Variants in IL23R observed in about 807,000 individuals in gnomAD.
IL23R encodes interleukin-23 receptor.
IL23R carries 34 observed loss-of-function variants against 56.9 expected under a neutral mutation model. The observed-to-expected ratio is 0.60, with a 90% CI of 0.45 to 0.80. The LOEUF is 0.80. Among genes scored for constraint, IL23R ranks in the 30% least tolerant of loss-of-function variants. The probability of loss-of-function intolerance (pLI) is 0.00; values close to 1 mark genes in which losing one functional copy is unlikely to be tolerated. For synonymous variants in IL23R, 230 were observed against 249.2 expected (o/e 0.92, Z 0.73); for missense variants, 635 against 730.0 (o/e 0.87, Z 1.50).
rs576532413 is a variant in IL23R at position 67,169,482 on chromosome 1, A to G, written c.211A>G (p.Ile71Val). 4 of 1,614,128 alleles carry G rather than the reference A, an allele frequency of 2.5e-6. No individual in the cohort carries two copies. Among genetic ancestry groups the G allele is most frequent in the Admixed American group, 3.3e-5 (2 of 60,022 alleles). Residue 71 changes from isoleucine to valine, a missense_variant, in exon 3 of 11, where the codon ATC becomes GTC. Physicochemically the swap from Ile to Val is conservative, Grantham distance 29. Transcript: ENST00000347310. ...GAAACTTCATTTTTATAAAAATGGC[A>G]TCAAAGAAAGATTTCAAATCACAAG... ...PRKLHFYKNGIKERFQITRIN... is the reference protein window; with the variant it reads ...PRKLHFYKNGVKERFQITRIN...
At chr1:67,236,184 A>G (rs1205316788) in intron 7 of IL23R, among the ~76,000 whole-genome samples, 3 of 152,336 alleles carry the variant, frequency 2.0e-5, no homozygotes, top group African/African-American at 7.2e-5. Flanking sequence ...GAGAGAAGTC[A>G]TTGGTGACAT....
chr1:67,232,029 A>C (rs1651127788), intron 7 of IL23R, among the ~76,000 whole-genome samples: 1 of 152,214 alleles, frequency 6.6e-6, no homozygotes, highest in Non-Finnish European at 1.5e-5. Flanking sequence ...CAAAAGAAAA[A>C]AATTGAATAA....
intron 4 of IL23R, among the ~76,000 whole-genome samples, chr1:67,188,574 A>C (rs1375726180): frequency 6.6e-6 from 1 of 152,248 alleles, no homozygotes; most frequent in African/African-American, 2.4e-5. Flanking sequence ...AAATGCTTAG[A>C]ATTAAGTACA....
At chr1:67,170,203 A>C (rs1333577283) in intron 3 of IL23R, among the ~76,000 whole-genome samples, 2 of 152,154 alleles carry the variant, frequency 1.3e-5, no homozygotes. Context: ...CTCGCCTGTA[A>C]AAGGAGGCTA....
intron 3 of IL23R, among the ~76,000 whole-genome samples, chr1:67,178,136 T>C (rs1647036666): frequency 6.6e-6 from 1 of 152,162 alleles, no homozygotes. Context: ...TTAAACTAGT[T>C]TTTTCCAATT....
At chr1:67,164,861 A>G (rs1187192778), upstream of IL23R, among the ~76,000 whole-genome samples, 1 of 152,022 alleles carries the variant, frequency 6.6e-6, no homozygotes, top group Admixed American at 6.6e-5. Context: ...TAAATGGCCA[A>G]TAAGTATATG....
intron 9 of IL23R, among the ~76,000 whole-genome samples, chr1:67,242,645 C>A (rs1403346403): frequency 6.6e-6 from 1 of 152,072 alleles, no homozygotes; most frequent in African/African-American, 2.4e-5. Context: ...TTCAAGGTCC[C>A]AAAGTTTTGC....
intron 9 of IL23R, among the ~76,000 whole-genome samples, chr1:67,246,456 T>C (rs1039532514): frequency 1.3e-5 from 2 of 152,240 alleles, no homozygotes; most frequent in Non-Finnish European, 2.9e-5. Context: ...TTTAGTGCTA[T>C]AAATTTCCTT....
rs1450674947 is a variant in IL23R at position 67,259,385 on chromosome 1, TAAGA to T, written c.*259_*262del. On this transcript the variant is annotated 3_prime_UTR_variant, in exon 11 of 11. Transcript: ENST00000347310. ...TTTCTGTGCTCCTACCATCACCATG[TAAGA>T]ATTCCCGGGAGCTCCATGCCTTTTT... The T allele has an allele frequency of 4.2e-6, 2 of 473,452 alleles. No homozygotes were observed. The highest frequency in any genetic ancestry group is 7.7e-6 in the Non-Finnish European group (2 of 261,370). The allele number at this position is 473,452 out of a possible 1,614,324, so 29.3% of individuals were successfully genotyped here. A position where few individuals can be genotyped will look rare whatever the true frequency, so the allele number is the denominator to read the frequency against.
At chr1:67,208,790 G>GC (rs1401627333) in intron 6 of IL23R, among the ~76,000 whole-genome samples, 3 of 152,146 alleles carry the variant, frequency 2.0e-5, no homozygotes, top group Non-Finnish European at 4.4e-5. Flanking sequence ...GTGGGGCATT[G>GC]CCTAGTGGAG....
chr1:67,260,301 A>G (rs1653161455), downstream of IL23R, among the ~76,000 whole-genome samples: 1 of 152,186 alleles, frequency 6.6e-6, no homozygotes, highest in Non-Finnish European at 1.5e-5. Flanking sequence ...TATTATTTAT[A>G]CTATAATAGA....
At chr1:67,249,026 G>A (rs1451068528) in intron 9 of IL23R, among the ~76,000 whole-genome samples, 1 of 151,994 alleles carries the variant, frequency 6.6e-6, no homozygotes, top group South Asian at 2.1e-4. Context: ...GGATGAACTT[G>A]GTACCTCAGA....
downstream of IL23R, among the ~76,000 whole-genome samples, chr1:67,264,585 G>T (rs1035340650): frequency 6.6e-6 from 1 of 152,180 alleles, no homozygotes; most frequent in Admixed American, 6.5e-5. Context: ...TTTCTTCGAT[G>T]CTGTAGTTAA....
At chr1:67,253,977 C>T (rs1652800864) in intron 9 of IL23R, among the ~76,000 whole-genome samples, 1 of 152,028 alleles carries the variant, frequency 6.6e-6, no homozygotes, top group African/African-American at 2.4e-5. Context: ...TGAACAGATA[C>T]TTTTATTTAA....
chr1:67,212,009 C>T (rs769139123), intron 6 of IL23R, among the ~76,000 whole-genome samples: 9 of 151,996 alleles, frequency 5.9e-5, no homozygotes, highest in Admixed American at 1.3e-4. Flanking sequence ...GAACTTATAC[C>T]GTCAGTAACT....
chr1:67,162,708 G>A (rs994000810), upstream of IL23R, among the ~76,000 whole-genome samples: 1 of 152,158 alleles, frequency 6.6e-6, no homozygotes, highest in African/African-American at 2.4e-5. Context: ...ATTATCCAAG[G>A]AGCCCTCCCT....
At chr1:67,177,026 AT>A (rs1281542878) in intron 3 of IL23R, among the ~76,000 whole-genome samples, 1 of 152,150 alleles carries the variant, frequency 6.6e-6, no homozygotes. Context: ...ATTGTTGGAC[AT>A]TTGGGTTGGT....
intron 7 of IL23R, among the ~76,000 whole-genome samples, chr1:67,232,796 A>G (rs769542451): frequency 4.6e-5 from 7 of 152,098 alleles, no homozygotes; most frequent in Non-Finnish European, 1.0e-4. Context: ...CTCATCTTGA[A>G]TTGTAGTTCC....
At chr1:67,144,537 A>G (rs6588244) in intron 1 of IL23R, among the ~76,000 whole-genome samples, 146,746 of 152,294 alleles carry the variant, frequency 0.96, 70,741 homozygotes, top group East Asian at 1. Flanking sequence ...CCCCATGAAC[A>G]AAATTTAATT....
Sources: allele counts gnomAD v4.1 joint callset (sites outside exome capture counted in the v4.1 genomes callset), GRCh38; gene constraint gnomAD v4.1.1; transcripts MANE v1.5; gene names NCBI Gene and HGNC (gene_info 2026-07-23, HGNC 2026-07-21).